The following LCA5 variants were observed in gnomAD, a reference collection of about 807,000 sequenced individuals.
LCA5 encodes lebercilin LCA5.
LCA5 carries 37 observed loss-of-function variants against 53.0 expected under a neutral mutation model. That is an observed-to-expected ratio of 0.70 (90% CI 0.54 to 0.92). The LOEUF is 0.92. LCA5 is among the 40% of genes least tolerant of loss of function. The probability of loss-of-function intolerance (pLI) is 0.00; values close to 1 mark genes in which losing one functional copy is unlikely to be tolerated. For synonymous variants in LCA5, 303 were observed against 282.9 expected (o/e 1.07, Z -0.71); for missense variants, 806 against 790.5 (o/e 1.02, Z -0.23).
intron 2 of LCA5, among the ~76,000 whole-genome samples, chr6:79,516,278 G>A (rs956862164): frequency 2.6e-5 from 4 of 151,738 alleles, no homozygotes; most frequent in Admixed American, 2.6e-4. Context: ...AACATATGTA[G>A]TTAATGGAAT....
chr6:79,526,204 C>A (rs1459803885), intron 1 of LCA5, among the ~76,000 whole-genome samples: 2 of 152,056 alleles, frequency 1.3e-5, no homozygotes, highest in Non-Finnish European at 2.9e-5. Flanking sequence ...GAAGCCTTTC[C>A]CCTTCCCAAT....
intron 1 of LCA5, among the ~76,000 whole-genome samples, chr6:79,535,121 T>C (rs1767073475): frequency 6.6e-6 from 1 of 152,122 alleles, no homozygotes; most frequent in African/African-American, 2.4e-5. Flanking sequence ...CTGAAAAAAA[T>C]GGATATAGCT....
At chr6:79,493,503 A>T in intron 4 of LCA5, 110 bp downstream of exon 4, 1 of 1,034,958 alleles carries the variant, frequency 9.7e-7, no homozygotes, top group Non-Finnish European at 1.4e-6. Context: ...AGAATTTTGT[A>T]AATTATATTG....
chr6:79,526,692 T>C (rs1337033013), intron 1 of LCA5, among the ~76,000 whole-genome samples: 1 of 152,192 alleles, frequency 6.6e-6, no homozygotes, highest in Non-Finnish European at 1.5e-5. Context: ...CCACACCCCT[T>C]GGCATCCCCC....
intron 3 of LCA5, among the ~76,000 whole-genome samples, chr6:79,504,342 C>T (rs1328826304): frequency 6.6e-6 from 1 of 152,148 alleles, no homozygotes; most frequent in Non-Finnish European, 1.5e-5. Context: ...TAACTTTAGA[C>T]ACATTAGCAG....
chr6:79,521,149 AAAC>A (rs1376085642), intron 1 of LCA5, among the ~76,000 whole-genome samples: 1 of 152,212 alleles, frequency 6.6e-6, no homozygotes, highest in Non-Finnish European at 1.5e-5. Flanking sequence ...TTAGCTTACT[AAAC>A]AACACTGCTA....
At chr6:79,532,913 G>C (rs1767000016) in intron 1 of LCA5, among the ~76,000 whole-genome samples, 1 of 152,032 alleles carries the variant, frequency 6.6e-6, no homozygotes, top group African/African-American at 2.4e-5. Context: ...ATTTCAAATA[G>C]AATATTAAGT....
At chr6:79,512,489 T>C (rs1766256023) in intron 3 of LCA5, among the ~76,000 whole-genome samples, 1 of 152,102 alleles carries the variant, frequency 6.6e-6, no homozygotes, top group South Asian at 2.1e-4. Context: ...GAAACCTAAT[T>C]TATTTGTAGT....
chr6:79,491,501 A>G, intron 6 of LCA5, 87 bp downstream of exon 6: 2 of 1,367,394 alleles, frequency 1.5e-6, no homozygotes, highest in East Asian at 2.3e-5. Flanking sequence ...TACTAGCTTC[A>G]TTACTGAAAT....
intron 6 of LCA5, among the ~76,000 whole-genome samples, chr6:79,489,976 T>A (rs1582614804): frequency 6.6e-6 from 1 of 152,032 alleles, no homozygotes; most frequent in South Asian, 2.1e-4. Context: ...TCCCCTCCAT[T>A]TCCTTGTTGC....
chr6:79,494,624 G>A (rs1472996456), intron 3 of LCA5, among the ~76,000 whole-genome samples: 1 of 152,042 alleles, frequency 6.6e-6, no homozygotes, highest in African/African-American at 2.4e-5. Flanking sequence ...ACATTTTGAT[G>A]TATATAATTT....
chr6:79,521,644 C>T (rs1444931884), intron 1 of LCA5, among the ~76,000 whole-genome samples: 1 of 152,060 alleles, frequency 6.6e-6, no homozygotes. Context: ...TTTATGATGG[C>T]TTTTATTTAT....
chr6:79,488,053 T>C (rs1769723168), intron 7 of LCA5, 187 bp from the exon 8 acceptor site: 1 of 554,350 alleles, frequency 1.8e-6, no homozygotes, highest in Non-Finnish European at 3.1e-6. Context: ...TTAATACGTA[T>C]TGCATTTAAG....
intron 1 of LCA5, among the ~76,000 whole-genome samples, chr6:79,530,298 C>T (rs1359379843): frequency 6.6e-6 from 1 of 151,844 alleles, no homozygotes; most frequent in African/African-American, 2.4e-5. Flanking sequence ...TAAGTGGGAG[C>T]TAAATTATGA....
rs997277995 is a variant in LCA5 at position 79,501,280 on chromosome 6, C to T, written c.721-7530G>A. Among the ~76,000 whole-genome samples, 3 of 152,118 alleles carry T rather than the reference C, an allele frequency of 2.0e-5. No homozygotes were observed. The South Asian group carries it at 6.2e-4, about 32-fold the overall frequency. On this transcript the variant is annotated intron_variant, in intron 3 of 7. Coordinates refer to ENST00000369846, the MANE Select transcript of LCA5 (RefSeq NM_001122769.3). Reference sequence around the variant, plus strand: ...ATTCGTTGGGCCTCCTATTTTTGAACCTGTCAAGAACATATCCATCCATTC... The same window carrying T: ...ATTCGTTGGGCCTCCTATTTTTGAATCTGTCAAGAACATATCCATCCATTC...
chr6:79,513,462 A>G lies in LCA5; in HGVS notation c.470T>C (p.Ile157Thr). 1.2e-6 allele frequency: 2 copies of G among 1,613,870 alleles called. No individual in the cohort carries two copies. The highest frequency in any genetic ancestry group is 1.7e-6 in the Non-Finnish European group (2 of 1,179,922). ...GTTATGACGAAATATAAGTTGTGAG[A>G]TTTCATTTTCGGCATCTTCAAACTT... ...LNKFEDAENEISQLIFRHNNE... is the reference protein window; with the variant it reads ...LNKFEDAENETSQLIFRHNNE... Residue 157 changes from isoleucine to threonine, a missense_variant, in exon 3 of 8, where the codon ATC (isoleucine) becomes ACC (threonine). Transcript: ENST00000369846.
rs2127665761 is a variant in LCA5, at chr6:79,487,475, A to G, written c.1623T>C (p.Asn541=). 1.9e-6 allele frequency: 3 copies of G among 1,614,008 alleles called. No individual in the cohort carries two copies. The highest frequency in any genetic ancestry group is 1.1e-5 in the South Asian group (1 of 91,082). The stretch of plus-strand genomic sequence containing the variant: ...CATTAGGGGAGGCTGGACTTCTAAC[A>G]TTTCCTGAATTCTGACCTTCTCCTT... The part of the protein sequence containing the change: ...TPKGEGQNSG[N]VRSPASPNEF... Residue 541 remains asparagine, a synonymous_variant, in exon 8 of 8, where the codon AAT becomes AAC. Transcript: ENST00000369846.
At position 79,487,763 on chromosome 6, in the gene LCA5, C is replaced by G. The variant is rs768737538; in HGVS notation, c.1335G>C (p.Met445Ile). Residue 445 changes from methionine (M) to isoleucine (I), a missense_variant, in exon 8 of 8, where the codon ATG becomes ATC. Transcript: ENST00000369846. ...EWETGRYQLGMYPIQNMDKLQ... is the reference protein window; with the variant it reads ...EWETGRYQLGIYPIQNMDKLQ... ...ATTTATCCATATTCTGAATTGGATA[C>G]ATTCCTAGTTGGTACCTTCCAGTTT... 1 of 1,613,640 alleles carries G rather than the reference C, an allele frequency of 6.2e-7. No individual in the cohort carries two copies. Among genetic ancestry groups the G allele is most frequent in the South Asian group, 1.1e-5 (1 of 91,058 alleles).
At chr6:79,493,890 T>C in intron 3 of LCA5, 140 bp from the exon 4 acceptor site, 2 of 626,214 alleles carry the variant, frequency 3.2e-6, no homozygotes, top group Non-Finnish European at 2.7e-6. Flanking sequence ...TTCATGTACA[T>C]AAGCTGGGAA....
Sources: allele counts gnomAD v4.1 joint callset (sites outside exome capture counted in the v4.1 genomes callset), GRCh38; gene constraint gnomAD v4.1.1; transcripts MANE v1.5; gene names NCBI Gene and HGNC (gene_info 2026-07-23, HGNC 2026-07-21).